The following SPOCK1 variants were observed in gnomAD, a reference collection of about 807,000 sequenced individuals.
SPOCK1 encodes SPARC (osteonectin), cwcv and kazal like domains proteoglycan 1, also known as testican-1.
A neutral mutation model predicts 55.3 loss-of-function variants in SPOCK1; 23 were observed. The observed-to-expected ratio is 0.42, with a 90% CI of 0.30 to 0.59. The LOEUF (loss-of-function observed/expected upper bound fraction) is 0.59, where lower values mean the gene tolerates loss of function less well. Ranked by LOEUF, SPOCK1 falls within the 20% of genes least tolerant of loss-of-function variation. The probability of loss-of-function intolerance (pLI) is 0.22; values close to 1 mark genes in which losing one functional copy is unlikely to be tolerated. For missense variants in SPOCK1, 499 were observed against 552.5 expected (o/e 0.90, Z 0.97); for synonymous variants, 226 against 221.0 (o/e 1.02, Z -0.20).
At chr5:137,016,619 C>T (rs552973180) in intron 6 of SPOCK1, among the ~76,000 whole-genome samples, 1 of 152,270 alleles carries the variant, frequency 6.6e-6, no homozygotes, top group African/African-American at 2.4e-5. Context: ...ACAGTGAAAA[C>T]ATGAAGAAGT....
At chr5:137,383,516 T>C (rs1323915389) in intron 2 of SPOCK1, among the ~76,000 whole-genome samples, 2 of 152,110 alleles carry the variant, frequency 1.3e-5, no homozygotes, top group Non-Finnish European at 2.9e-5. Flanking sequence ...GCAGCCAGCC[T>C]GTGTGAAAGG....
chr5:137,197,119 ACTGATTCTGCG>A (rs1755317117), intron 3 of SPOCK1, among the ~76,000 whole-genome samples: 1 of 152,178 alleles, frequency 6.6e-6, no homozygotes, highest in Non-Finnish European at 1.5e-5. Context: ...GTGGAGGCTC[ACTGATTCTGCG>A]AAGACTCCAG....
At chr5:137,225,622 C>T (rs1387841747) in intron 3 of SPOCK1, among the ~76,000 whole-genome samples, 1 of 152,200 alleles carries the variant, frequency 6.6e-6, no homozygotes, top group African/African-American at 2.4e-5. Context: ...CCTCGACATA[C>T]ACACTTGATG....
intron 3 of SPOCK1, among the ~76,000 whole-genome samples, chr5:137,242,031 T>C (rs190791638): frequency 5.4e-4 from 82 of 152,310 alleles, no homozygotes; most frequent in Non-Finnish European, 9.3e-4. Flanking sequence ...CAAAGACTCA[T>C]TAACAGAGGA....
At chr5:137,383,330 C>G (rs1447396131) in intron 2 of SPOCK1, among the ~76,000 whole-genome samples, 1 of 152,232 alleles carries the variant, frequency 6.6e-6, no homozygotes, top group Non-Finnish European at 1.5e-5. Context: ...CTCCCCACAT[C>G]CTGACCTACC....
intron 3 of SPOCK1, among the ~76,000 whole-genome samples, chr5:137,194,205 A>C (rs1277572617): frequency 6.6e-6 from 1 of 152,246 alleles, no homozygotes; most frequent in Non-Finnish European, 1.5e-5. Flanking sequence ...TATCACCCAC[A>C]GGTGGAAAAA....
chr5:137,370,795 T>C (rs997702589), intron 2 of SPOCK1, among the ~76,000 whole-genome samples: 1 of 152,252 alleles, frequency 6.6e-6, no homozygotes, highest in African/African-American at 2.4e-5. Context: ...ATGCCTCCTT[T>C]AAGCAGCGTT....
chr5:136,976,682 T>G lies in SPOCK1; in HGVS notation c.*1972A>C, dbSNP rs1750620524. 1 of 152,576 alleles carries G rather than the reference T, an allele frequency of 6.6e-6. No individual in the cohort carries two copies. The highest frequency in any genetic ancestry group is 2.4e-5 in the African/African-American group (1 of 41,436). 9.5% of individuals were successfully genotyped at this position (152,576 alleles called of 1,614,324 possible). A position where few individuals can be genotyped will look rare whatever the true frequency, so the allele number is the denominator to read the frequency against. ...TTTGTTCAAGAGAGAAAAAAAATAT[T>G]GAAACAAAGGTGATGGAGTTGAGAT... On this transcript the variant is annotated 3_prime_UTR_variant, in exon 11 of 11. Coordinates refer to ENST00000394945, the MANE Select transcript of SPOCK1 (RefSeq NM_004598.4).
chr5:136,988,467 T>G lies in SPOCK1; in HGVS notation c.883A>C (p.Lys295Gln). ...TAGCACCACTCATTGTTAGAAAGCTTGCCATCCTTGAAGGAGTCACACGAG... is the reference window on the plus strand; with the variant it reads ...TAGCACCACTCATTGTTAGAAAGCTGGCCATCCTTGAAGGAGTCACACGAG... Reference protein sequence around the residue: ...FNSCDSFKDGKLSNNEWCYCF... With the variant: ...FNSCDSFKDGQLSNNEWCYCF... The change falls in exon 8 of 11, where the codon AAG becomes CAG. Residue 295 changes from lysine to glutamine, a missense_variant. Transcript: ENST00000394945. 4.3e-6 allele frequency: 7 copies of G among 1,614,144 alleles called. No homozygotes were observed. The highest frequency in any genetic ancestry group is 5.9e-6 in the Non-Finnish European group (7 of 1,180,010).
chr5:137,313,551 G>T, intron 2 of SPOCK1: 1 of 911,724 alleles, frequency 1.1e-6, no homozygotes, highest in Non-Finnish European at 1.3e-6. Context: ...GCTCCAGCCT[G>T]CCTCCTACCT....
At chr5:137,405,528 C>T (rs1263453888) in intron 2 of SPOCK1, among the ~76,000 whole-genome samples, 1 of 152,160 alleles carries the variant, frequency 6.6e-6, no homozygotes, top group Non-Finnish European at 1.5e-5. Context: ...ACCGTCCCAC[C>T]TCTGTCACCG....
At position 137,013,331 on chromosome 5, in the gene SPOCK1, A is replaced by G. The variant is rs574073471; in HGVS notation, c.590-20731T>C. On this transcript the variant is annotated intron_variant, in intron 6 of 10. Transcript: ENST00000394945. The stretch of plus-strand genomic sequence containing the variant: ...AGATTGCTGGAGATCAGAACAGACT[A>G]TCTCAGAGTCTTGAGTTTGTGGATA... Among the ~76,000 whole-genome samples, 62 of 152,338 alleles carry G rather than the reference A, an allele frequency of 4.1e-4. No individual in the cohort carries two copies. In the South Asian group the frequency reaches 6.0e-3, roughly 15 times the overall value.
intron 2 of SPOCK1, among the ~76,000 whole-genome samples, chr5:137,432,153 T>C (rs1396186674): frequency 6.6e-6 from 1 of 152,108 alleles, no homozygotes; most frequent in African/African-American, 2.4e-5. Context: ...GCACCACTGA[T>C]GGGAGAGTAA....
intron 2 of SPOCK1, among the ~76,000 whole-genome samples, chr5:137,290,202 A>AT (rs565668115): frequency 1.0e-3 from 157 of 152,382 alleles, no homozygotes; most frequent in Non-Finnish European, 1.5e-3. Context: ...AAACTCAAAT[A>AT]TCCACCAGGA....
chr5:137,086,304 C>T (rs1178049537), intron 5 of SPOCK1, among the ~76,000 whole-genome samples: 1 of 152,194 alleles, frequency 6.6e-6, no homozygotes, highest in African/African-American at 2.4e-5. Context: ...TTACCTTCCA[C>T]GTTCCAGTTC....
intron 7 of SPOCK1, among the ~76,000 whole-genome samples, chr5:136,991,985 A>G (rs1750957808): frequency 6.6e-6 from 1 of 152,190 alleles, no homozygotes; most frequent in Non-Finnish European, 1.5e-5. Flanking sequence ...AAGACATAGC[A>G]CCAAAGATGT....
intron 4 of SPOCK1, among the ~76,000 whole-genome samples, chr5:137,116,865 G>C (rs1453917615): frequency 6.6e-6 from 1 of 151,988 alleles, no homozygotes; most frequent in Non-Finnish European, 1.5e-5. Context: ...CATCATGTGG[G>C]TTTTCCTTGA....
intron 2 of SPOCK1, among the ~76,000 whole-genome samples, chr5:137,298,174 A>G (rs1757523507): frequency 6.6e-6 from 1 of 152,192 alleles, no homozygotes; most frequent in Non-Finnish European, 1.5e-5. Context: ...GTGAGGACCC[A>G]GTGAATGCCA....
chr5:137,258,343 A>G (rs1355488542), intron 3 of SPOCK1, among the ~76,000 whole-genome samples: 1 of 152,212 alleles, frequency 6.6e-6, no homozygotes, highest in Non-Finnish European at 1.5e-5. Context: ...AACATTTAAC[A>G]GGTTTCCAGC....
Sources: gnomAD v4.1 joint callset for allele counts (sites outside exome capture counted in the v4.1 genomes callset) on GRCh38, gnomAD v4.1.1 for gene constraint, MANE v1.5 for transcripts, NCBI Gene and HGNC (gene_info 2026-07-23, HGNC 2026-07-21) for gene names.